Variants in XDH observed in about 807,000 individuals in gnomAD.
The protein encoded by XDH is xanthine dehydrogenase, also known as xanthine dehydrogenase/oxidase.
In XDH, 138 loss-of-function variants were observed where a neutral mutation model predicts 156.1. The ratio of observed to expected loss-of-function variants is 0.88; its 90% CI spans 0.77 to 1.02. The LOEUF (loss-of-function observed/expected upper bound fraction) is 1.02, where lower values mean the gene tolerates loss of function less well. XDH is among the 50% of genes least tolerant of loss of function. The pLI, the probability that XDH is intolerant of heterozygous loss-of-function variation, is 0.00. For synonymous variants in XDH, 669 were observed against 625.7 expected (o/e 1.07, Z -1.03); for missense variants, 1,849 against 1,684.9 (o/e 1.10, Z -1.71).
At chr2:31,397,934 C>G (rs1686953756) in intron 5 of XDH, among the ~76,000 whole-genome samples, 1 of 152,154 alleles carries the variant, frequency 6.6e-6, no homozygotes, top group Non-Finnish European at 1.5e-5. Context: ...AGAATGGAAG[C>G]CTTCCTAGAA....
At chr2:31,375,003 C>G (rs1354051241) in intron 15 of XDH, among the ~76,000 whole-genome samples, 2 of 108,780 alleles carry the variant, frequency 1.8e-5, no homozygotes, top group South Asian at 5.7e-4. Context: ...TCCTTTCTTT[C>G]TTTCTTTCTT....
intron 30 of XDH, among the ~76,000 whole-genome samples, chr2:31,344,946 T>G (rs1391881593): frequency 6.6e-6 from 1 of 152,214 alleles, no homozygotes; most frequent in Non-Finnish European, 1.5e-5. Flanking sequence ...AGTCACCTCT[T>G]AACTGGTCTT....
At chr2:31,389,696 T>C (rs796314560) in intron 6 of XDH, 7 of 152,274 alleles carry the variant, frequency 4.6e-5, no homozygotes, top group African/African-American at 1.7e-4. Flanking sequence ...TTCATTGGTG[T>C]GTTAATGACA....
Position 31,403,090 on chromosome 2 carries a change from G to C in XDH, c.155C>G (p.Thr52Arg). The C allele has an allele frequency of 6.2e-7, 1 of 1,614,152 alleles. No homozygotes were observed. The highest frequency in any genetic ancestry group is 8.5e-7 in the Non-Finnish European group (1 of 1,180,012). Reference sequence around the variant, plus strand: ...ACGATCATACTTGGAGAGCATCACTGTGCAAGCCCCGCAGCCCCCCTCTCC... The same window carrying C: ...ACGATCATACTTGGAGAGCATCACTCTGCAAGCCCCGCAGCCCCCCTCTCC... ...GCGEGGCGAC[T>R]VMLSKYDRLQ... Residue 52 changes from threonine (T) to arginine (R), a missense_variant, in exon 3 of 36, where the codon ACA becomes AGA. Physicochemically the swap from Thr to Arg is moderately conservative, Grantham distance 71. Coordinates refer to ENST00000379416, the MANE Select transcript of XDH (RefSeq NM_000379.4).
In XDH at chr2:31,347,785, G is replaced by C. The variant is rs547076356; in HGVS notation, c.3148-135C>G. 450 of 1,227,002 alleles carry C rather than the reference G, an allele frequency of 3.7e-4. 1 individual carries two copies. The highest frequency in any genetic ancestry group is 4.9e-4 in the Non-Finnish European group (428 of 881,362). The allele number at this position is 1,227,002 out of a possible 1,614,324, so 76.0% of individuals were successfully genotyped here. On this transcript the variant is annotated intron_variant, in intron 28 of 35. Transcript: ENST00000379416. ...CGTAAACTCTAATCTCATTGTCTGG[G>C]ATGTCCTTACATCTGGCTGAATTTG... is the stretch of plus-strand genomic sequence containing the variant.
chr2:31,409,996 T>C (rs1687297608), intron 1 of XDH, among the ~76,000 whole-genome samples: 1 of 152,204 alleles, frequency 6.6e-6, no homozygotes, highest in Admixed American at 6.5e-5. Context: ...AAAATGTCCA[T>C]CAATAGATGA....
chr2:31,394,171 C>T (rs1389653738), intron 6 of XDH, among the ~76,000 whole-genome samples: 1 of 151,872 alleles, frequency 6.6e-6, no homozygotes, highest in Non-Finnish European at 1.5e-5. Context: ...CATCATTTTC[C>T]TTCTCTTTAA....
At chr2:31,364,371 G>GA (rs952476591) in intron 23 of XDH, 127 bp from the exon 24 acceptor site, 11 of 926,440 alleles carry the variant, frequency 1.2e-5, no homozygotes, top group South Asian at 1.4e-5. Flanking sequence ...ATCATCCCGT[G>GA]AAAAAAAGGT....
At chr2:31,387,246 A>G (rs1686635763) in intron 8 of XDH, among the ~76,000 whole-genome samples, 1 of 152,206 alleles carries the variant, frequency 6.6e-6, no homozygotes, top group South Asian at 2.1e-4. Flanking sequence ...CAAAACTCTG[A>G]GAAGTGTGCA....
chr2:31,405,983 G>T lies in XDH; in HGVS notation c.43-19C>A, dbSNP rs1687182443. The T allele has an allele frequency of 8.1e-6, 13 of 1,612,934 alleles. No homozygotes were observed. Among genetic ancestry groups the T allele is most frequent in the Non-Finnish European group, 1.1e-5 (13 of 1,179,024 alleles). On this transcript the variant is annotated intron_variant, in intron 1 of 35. Coordinates refer to ENST00000379416, the MANE Select transcript of XDH (RefSeq NM_000379.4). ...CCACCACCTATTAAAATAAATGAAA[G>T]AAAAATATATCATAGGTATACTTAG...
In XDH at chr2:31,368,614, G is replaced by A. The variant is rs751442650; in HGVS notation, c.2027C>T (p.Pro676Leu). The change falls in exon 19 of 36, where the codon CCG (proline) becomes CTG (leucine). Residue 676 changes from proline (P) to leucine (L), a missense_variant. Transcript: ENST00000379416. ...TTGGGCAGCTCTCTGTGTGTGTTCC[G>A]GGGTGTCAGCAACCACAGCACCAAT... ...HIIGAVVADT[P>L]EHTQRAAQGV... 48 of 1,614,144 alleles carry A rather than the reference G, an allele frequency of 3.0e-5. No homozygotes were observed. The highest frequency in any genetic ancestry group is 4.4e-5 in the South Asian group (4 of 91,076).
At chr2:31,337,535 T>G in intron 35 of XDH, 106 bp downstream of exon 35, 1 of 1,544,976 alleles carries the variant, frequency 6.5e-7, no homozygotes, top group Non-Finnish European at 8.9e-7. Context: ...GGCTGCCCGG[T>G]TAGGAGAGAG....
chr2:31,392,666 G>A (rs903281853), intron 6 of XDH, among the ~76,000 whole-genome samples: 17 of 151,936 alleles, frequency 1.1e-4, no homozygotes, highest in Admixed American at 2.0e-4. Flanking sequence ...CTCGTGATCC[G>A]CCCGCCTCAT....
At chr2:31,345,748 T>A (rs958925534) in intron 30 of XDH, among the ~76,000 whole-genome samples, 1 of 152,172 alleles carries the variant, frequency 6.6e-6, no homozygotes, top group African/African-American at 2.4e-5. Flanking sequence ...TGTGTATGTA[T>A]GTGTTGGTGA....
At chr2:31,342,706 C>T (rs1685159973) in intron 31 of XDH, among the ~76,000 whole-genome samples, 1 of 10,162 alleles carries the variant, frequency 9.8e-5, no homozygotes. Flanking sequence ...TTAGACTGTT[C>T]ACACAGTTCT....
At chr2:31,358,242 T>G (rs1441441810) in intron 24 of XDH, among the ~76,000 whole-genome samples, 1 of 152,202 alleles carries the variant, frequency 6.6e-6, no homozygotes, top group African/African-American at 2.4e-5. Flanking sequence ...ACAAACTGTC[T>G]ATCAGACCAC....
chr2:31,347,346 G>T (rs1685328363), intron 29 of XDH, among the ~76,000 whole-genome samples, 176 bp downstream of exon 29: 1 of 152,160 alleles, frequency 6.6e-6, no homozygotes, highest in Non-Finnish European at 1.5e-5. Flanking sequence ...TGATTCTTGG[G>T]CCTCTCTTTT....
At chr2:31,397,977 G>A (rs1686954911) in intron 5 of XDH, among the ~76,000 whole-genome samples, 1 of 152,128 alleles carries the variant, frequency 6.6e-6, no homozygotes, top group Admixed American at 6.5e-5. Context: ...TCTCCTAAGT[G>A]CTCCCACAGT....
At chr2:31,364,333 C>T in intron 23 of XDH, 89 bp from the exon 24 acceptor site, 1 of 1,297,204 alleles carries the variant, frequency 7.7e-7, no homozygotes, top group Non-Finnish European at 1.1e-6. Flanking sequence ...CCACTTATGT[C>T]ACCTGGAGGA....
Sources: allele counts gnomAD v4.1 joint callset (sites outside exome capture counted in the v4.1 genomes callset), GRCh38; gene constraint gnomAD v4.1.1; transcripts MANE v1.5; gene names NCBI Gene and HGNC (gene_info 2026-07-23, HGNC 2026-07-21).